TRHDE: variants seen among roughly 807,000 people sequenced by gnomAD.
TRHDE encodes thyrotropin releasing hormone degrading enzyme.
Under a neutral mutation model 125.7 loss-of-function variants are expected in TRHDE, and 72 were observed. The ratio of observed to expected loss-of-function variants is 0.57; its 90% confidence interval spans 0.47 to 0.70. TRHDE has a LOEUF of 0.70. Ranked by LOEUF, TRHDE falls within the 30% of genes least tolerant of loss-of-function variation. The pLI is 0.00. For missense variants in TRHDE, 1,110 were observed against 1,327.1 expected, an observed-to-expected ratio of 0.84 and a Z score of 2.54; for synonymous variants, 509 against 509.1, an observed-to-expected ratio of 1.00 and a Z score of 0.00.
In TRHDE at chr12:72,660,677, T is replaced by TTG. The variant is rs1874882841; in HGVS notation, c.3067-2373_3067-2372dup. On this transcript the variant is annotated intron_variant, in intron 18 of 18. Transcript: ENST00000261180. ...TAATGTTTATACTAATGATTGATAA[T>TTG]TGTCCATGATCATCTCTGTATCTAA... 2.6e-5 allele frequency among the ~76,000 whole-genome samples: 4 copies of TTG among 152,312 alleles called. No individual in the cohort carries two copies. In the South Asian group the frequency reaches 8.3e-4, roughly 32 times the overall value.
chr12:72,290,587 C>T (rs903036550), intron 2 of TRHDE, among the ~76,000 whole-genome samples: 1 of 152,144 alleles, frequency 6.6e-6, no homozygotes, highest in Admixed American at 6.5e-5. Context: ...ATGTCTGGGG[C>T]CTCAGATGGG....
At chr12:72,207,165 C>A (rs983403944) in intron 2 of TRHDE, among the ~76,000 whole-genome samples, 4 of 152,166 alleles carry the variant, frequency 2.6e-5, no homozygotes, top group Admixed American at 6.5e-5. Context: ...CTGTTTCCCC[C>A]CTAAGATTGC....
chr12:72,621,610 C>A, intron 14 of TRHDE, 34 bp from the exon 15 acceptor site: 1 of 1,491,878 alleles, frequency 6.7e-7, no homozygotes. Flanking sequence ...CCCTAACTTT[C>A]TTTTTAATTT....
intron 1 of TRHDE, among the ~76,000 whole-genome samples, chr12:72,285,816 G>A (rs1879865345): frequency 6.6e-6 from 1 of 152,152 alleles, no homozygotes; most frequent in African/African-American, 2.4e-5. Context: ...ACCATGCCGG[G>A]CTGAAGAGTC....
chr12:72,582,503 C>T (rs920411544), intron 12 of TRHDE: 23 of 985,160 alleles, frequency 2.3e-5, no homozygotes, highest in Non-Finnish European at 2.7e-5. Context: ...TCTTGTACCT[C>T]GTTTAAGGTT....
chr12:72,383,719 T>G (rs1264331589), intron 3 of TRHDE, among the ~76,000 whole-genome samples: 3 of 117,552 alleles, frequency 2.6e-5, no homozygotes, highest in Non-Finnish European at 5.4e-5. Context: ...TAATTTCTGT[T>G]TTTTTTTTTT....
In TRHDE at chr12:72,206,109, T is replaced by C. The variant is rs1034844035; in HGVS notation, n.279+100357T>C. ...AGATTTTTTTTTTTTTTTTTTGAGA[T>C]GGAGTCTTGCTGTGTCATGCAGGCT... On this transcript the variant is annotated intron_variant and non_coding_transcript_variant, in intron 2 of 4. Coordinates refer to the TRHDE transcript ENST00000548156. Among the ~76,000 whole-genome samples, 8 of 147,842 alleles carry C rather than the reference T, an allele frequency of 5.4e-5. No individual in the cohort carries two copies. In the East Asian group the frequency reaches 1.6e-3, roughly 29 times the overall value.
At chr12:72,211,780 T>C (rs559562023) in intron 2 of TRHDE, among the ~76,000 whole-genome samples, 1 of 152,152 alleles carries the variant, frequency 6.6e-6, no homozygotes, top group South Asian at 2.1e-4. Context: ...AAAAGACTAA[T>C]ACAATAATAG....
intron 12 of TRHDE, among the ~76,000 whole-genome samples, chr12:72,607,676 T>G (rs1872503391): frequency 6.6e-6 from 1 of 152,194 alleles, no homozygotes; most frequent in South Asian, 2.1e-4. Flanking sequence ...ATCAGATAGG[T>G]TTCAAGTCAT....
chr12:72,300,710 G>T (rs1868251274), intron 2 of TRHDE, among the ~76,000 whole-genome samples: 2 of 151,816 alleles, frequency 1.3e-5, no homozygotes, highest in East Asian at 3.9e-4. Context: ...ATGTGTGTGT[G>T]TATGTAATCT....
intron 2 of TRHDE, among the ~76,000 whole-genome samples, chr12:72,128,909 C>G (rs1012203582): frequency 2.0e-5 from 3 of 152,004 alleles, no homozygotes; most frequent in African/African-American, 7.3e-5. Flanking sequence ...TTAATGTACC[C>G]TATAAACCCA....
chr12:72,138,492 C>T (rs1876040261), intron 2 of TRHDE, among the ~76,000 whole-genome samples: 1 of 152,194 alleles, frequency 6.6e-6, no homozygotes, highest in South Asian at 2.1e-4. Flanking sequence ...AAACCCAAGG[C>T]TATTCTGATC....
chr12:72,490,723 A>G (rs1283077235), intron 5 of TRHDE, among the ~76,000 whole-genome samples: 1 of 150,374 alleles, frequency 6.7e-6, no homozygotes, highest in Admixed American at 6.7e-5. Flanking sequence ...AGAAAGAACA[A>G]TATTGCATGA....
At chr12:72,225,462 G>T (rs140704369) in intron 2 of TRHDE, among the ~76,000 whole-genome samples, 2 of 152,282 alleles carry the variant, frequency 1.3e-5, no homozygotes, top group East Asian at 3.9e-4. Flanking sequence ...CCAGTGGAAA[G>T]ACAGAAGAAA....
chr12:72,626,990 A>G (rs1169959103), intron 15 of TRHDE, among the ~76,000 whole-genome samples: 1 of 151,892 alleles, frequency 6.6e-6, no homozygotes, highest in African/African-American at 2.4e-5. Context: ...TTCATAGGCT[A>G]AAGTCAGACC....
intron 2 of TRHDE, among the ~76,000 whole-genome samples, chr12:72,205,131 A>G (rs895149205): frequency 6.6e-6 from 1 of 152,138 alleles, no homozygotes; most frequent in African/African-American, 2.4e-5. Context: ...TGTTTCAGCC[A>G]CTCAGACTGC....
At chr12:72,467,104 T>G (rs1365743131) in intron 3 of TRHDE, among the ~76,000 whole-genome samples, 1 of 152,230 alleles carries the variant, frequency 6.6e-6, no homozygotes, top group African/African-American at 2.4e-5. Flanking sequence ...TTATTATACT[T>G]TAAGTTTTAG....
intron 3 of TRHDE, among the ~76,000 whole-genome samples, chr12:72,440,501 T>C (rs539060649): frequency 1.3e-5 from 2 of 152,090 alleles, no homozygotes; most frequent in African/African-American, 4.8e-5. Context: ...GGGCTCAAAA[T>C]ATATTTATCT....
chr12:72,427,760 G>A (rs1313992586), intron 3 of TRHDE, among the ~76,000 whole-genome samples: 1 of 152,152 alleles, frequency 6.6e-6, no homozygotes, highest in Non-Finnish European at 1.5e-5. Flanking sequence ...CTGAGATTGA[G>A]AGAGCCCTTT....
Sources: allele counts gnomAD v4.1 joint callset (sites outside exome capture counted in the v4.1 genomes callset), GRCh38; gene constraint gnomAD v4.1.1; transcripts MANE v1.5; gene names NCBI Gene and HGNC (gene_info 2026-07-23, HGNC 2026-07-21).